The following TAFA1 variants were observed in gnomAD, a reference collection of about 807,000 sequenced individuals.
TAFA1 encodes TAFA chemokine like family member 1, also known as chemokine-like protein TAFA-1.
Under a neutral mutation model 18.5 loss-of-function variants are expected in TAFA1, and 4 were observed. The observed-to-expected ratio is 0.22, with a 90% confidence interval of 0.11 to 0.49. The LOEUF is 0.49. Ranked by LOEUF, TAFA1 falls within the 20% of genes least tolerant of loss-of-function variation. The pLI is 0.98. For synonymous variants in TAFA1, 56 were observed against 55.2 expected, an observed-to-expected ratio of 1.01 and a Z score of -0.06; for missense variants, 147 against 169.0, an observed-to-expected ratio of 0.87 and a Z score of 0.72.
intron 3 of TAFA1, among the ~76,000 whole-genome samples, chr3:68,457,388 A>T (rs555147942): frequency 6.6e-6 from 1 of 152,320 alleles, no homozygotes; most frequent in Admixed American, 6.5e-5. Context: ...CATTCATGAC[A>T]TAACTTTCTT....
intron 3 of TAFA1, among the ~76,000 whole-genome samples, chr3:68,533,265 G>A (rs1464804083): frequency 1.3e-5 from 2 of 152,122 alleles, no homozygotes; most frequent in Non-Finnish European, 2.9e-5. Context: ...AATCATGGCA[G>A]AAGGTGAAAA....
chr3:68,242,421 A>G (rs1433791359), intron 2 of TAFA1, among the ~76,000 whole-genome samples: 1 of 152,188 alleles, frequency 6.6e-6, no homozygotes, highest in Admixed American at 6.5e-5. Flanking sequence ...CATATGAAGC[A>G]ACCATGCCAA....
At chr3:68,461,728 T>G (rs1279347910) in intron 3 of TAFA1, among the ~76,000 whole-genome samples, 1 of 151,716 alleles carries the variant, frequency 6.6e-6, no homozygotes, top group African/African-American at 2.4e-5. Context: ...TTGTCTTTCC[T>G]ATAGAAGGCA....
At chr3:68,371,705 T>C (rs759842359) in intron 2 of TAFA1, among the ~76,000 whole-genome samples, 13 of 152,210 alleles carry the variant, frequency 8.5e-5, no homozygotes, top group Non-Finnish European at 1.5e-4. Context: ...GAAGTTAAAA[T>C]GTGTGAAATC....
At chr3:68,099,544 G>C (rs1575615612) in intron 2 of TAFA1, among the ~76,000 whole-genome samples, 1 of 152,002 alleles carries the variant, frequency 6.6e-6, no homozygotes, top group Non-Finnish European at 1.5e-5. Flanking sequence ...ATACACTCTT[G>C]GTGGGAAAAT....
At chr3:68,282,685 A>G (rs546331378) in intron 2 of TAFA1, among the ~76,000 whole-genome samples, 64 of 152,310 alleles carry the variant, frequency 4.2e-4, no homozygotes, top group Admixed American at 3.0e-3. Flanking sequence ...GGGAAGGGCT[A>G]TCCTAAAGCA....
chr3:68,092,728 C>T (rs905040154), intron 2 of TAFA1, among the ~76,000 whole-genome samples: 5 of 152,076 alleles, frequency 3.3e-5, no homozygotes, highest in African/African-American at 1.2e-4. Flanking sequence ...TAAACAGAAA[C>T]TCCTAATATC....
intron 2 of TAFA1, among the ~76,000 whole-genome samples, chr3:68,253,530 A>T (rs1017562895): frequency 2.0e-5 from 3 of 152,174 alleles, no homozygotes; most frequent in Non-Finnish European, 2.9e-5. Flanking sequence ...TACTTACTGC[A>T]TACTCATCTA....
intron 2 of TAFA1, among the ~76,000 whole-genome samples, chr3:68,412,526 C>T (rs983823635): frequency 7.9e-5 from 12 of 152,120 alleles, no homozygotes; most frequent in African/African-American, 2.7e-4. Context: ...TCCCTCCCCT[C>T]AACCCCCACT....
At position 68,064,063 on chromosome 3, in the gene TAFA1, A is replaced by G. The variant is rs576065430; in HGVS notation, c.118+57319A>G. On this transcript the variant is annotated intron_variant, in intron 2 of 4. Coordinates refer to ENST00000478136, the MANE Select transcript of TAFA1 (RefSeq NM_213609.4). The stretch of plus-strand genomic sequence containing the variant: ...GCAACAGAATAAAAAACAAAACTTA[A>G]TAAGTTGACAACTTAAAGAAAAATA... Among the ~76,000 whole-genome samples the G allele has an allele frequency of 9.8e-5, 15 of 152,348 alleles. No individual in the cohort carries two copies. The East Asian group carries it at 2.3e-3, about 23-fold the overall frequency.
At chr3:68,496,739 G>A (rs73837656) in intron 3 of TAFA1, among the ~76,000 whole-genome samples, 11,129 of 152,184 alleles carry the variant, frequency 0.073, 1,135 homozygotes, top group African/African-American at 0.21. Flanking sequence ...TGGCTCTGCC[G>A]TAATTATGCA....
rs564786950 is a variant in TAFA1 at position 68,159,452 on chromosome 3, C to G, written c.118+152708C>G. ...GTCAAACAATTTAAGAAATTATTAG[C>G]AACACTTTCTGTAATTGAGTATCCC... On this transcript the variant is annotated intron_variant, in intron 2 of 4. Transcript: ENST00000478136. Among the ~76,000 whole-genome samples, 6 of 152,274 alleles carry G rather than the reference C, an allele frequency of 3.9e-5. No homozygotes were observed. In the East Asian group the frequency reaches 1.2e-3, roughly 29 times the overall value.
intron 2 of TAFA1, among the ~76,000 whole-genome samples, chr3:68,370,480 A>ATATATATATATATATATG (rs1553682544): frequency 3.1e-5 from 1 of 32,758 alleles, no homozygotes; most frequent in African/African-American, 8.9e-5. Flanking sequence ...GTGTATATAT[A>ATATATATATATATATATG]TATATATATA....
chr3:68,094,661 A>G (rs755382418), intron 2 of TAFA1, among the ~76,000 whole-genome samples: 3 of 152,102 alleles, frequency 2.0e-5, no homozygotes, highest in African/African-American at 4.8e-5. Flanking sequence ...AGAGAGATCA[A>G]TTTTTCTAAT....
intron 3 of TAFA1, among the ~76,000 whole-genome samples, chr3:68,461,796 T>G (rs776694344): frequency 2.0e-5 from 3 of 151,980 alleles, no homozygotes; most frequent in Non-Finnish European, 4.4e-5. Context: ...CCATCTCCAC[T>G]GATTTTCTGA....
At chr3:68,078,840 A>AG (rs1348141517) in intron 2 of TAFA1, among the ~76,000 whole-genome samples, 6 of 152,174 alleles carry the variant, frequency 3.9e-5, no homozygotes, top group Non-Finnish European at 4.4e-5. Flanking sequence ...TGAGTTAGGG[A>AG]GGATTCCCTC....
intron 2 of TAFA1, among the ~76,000 whole-genome samples, chr3:68,267,153 C>G (rs1440188297): frequency 6.6e-6 from 1 of 152,174 alleles, no homozygotes; most frequent in Non-Finnish European, 1.5e-5. Flanking sequence ...TAGGAACACA[C>G]AGATAAGACT....
intron 2 of TAFA1, among the ~76,000 whole-genome samples, chr3:68,085,863 T>C (rs1160219449): frequency 6.6e-6 from 1 of 152,210 alleles, no homozygotes; most frequent in East Asian, 1.9e-4. Context: ...CCACAGTTCA[T>C]GTAGTGAATC....
chr3:68,360,342 C>T (rs561430462), intron 2 of TAFA1, among the ~76,000 whole-genome samples: 57 of 152,034 alleles, frequency 3.7e-4, no homozygotes, highest in Non-Finnish European at 7.7e-4. Context: ...GGTGCTTATC[C>T]TCTCTAGGCT....
Sources: gnomAD v4.1 joint callset for allele counts (sites outside exome capture counted in the v4.1 genomes callset) on GRCh38, gnomAD v4.1.1 for gene constraint, MANE v1.5 for transcripts, NCBI Gene and HGNC (gene_info 2026-07-23, HGNC 2026-07-21) for gene names.